Variants in KIF26B observed in about 807,000 individuals in gnomAD.
KIF26B encodes the protein kinesin-like protein KIF26B.
KIF26B carries 63 observed loss-of-function variants against 151.2 expected under a neutral mutation model. The ratio of observed to expected loss-of-function variants is 0.42; its 90% CI spans 0.34 to 0.51. KIF26B has a LOEUF of 0.51. Ranked by LOEUF, KIF26B falls within the 20% of genes least tolerant of loss-of-function variation. The pLI, the probability that KIF26B is intolerant of heterozygous loss-of-function variation, is 0.07. For missense variants in KIF26B, 2,813 were observed against 2,913.6 expected, an observed-to-expected ratio of 0.97 and a Z score of 0.79; for synonymous variants, 1,357 against 1,262.1, an observed-to-expected ratio of 1.08 and a Z score of -1.59.
At chr1:245,428,425 C>T (rs1233716144) in intron 4 of KIF26B, among the ~76,000 whole-genome samples, 3 of 152,188 alleles carry the variant, frequency 2.0e-5, no homozygotes, top group South Asian at 2.1e-4. Flanking sequence ...TGAACCTCCT[C>T]AGTTGCTTAT....
intron 2 of KIF26B, among the ~76,000 whole-genome samples, chr1:245,184,003 A>G (rs1573694256): frequency 7.1e-6 from 1 of 140,196 alleles, no homozygotes; most frequent in African/African-American, 2.7e-5. Context: ...ATTTTTTCCT[A>G]CATCTTGACC....
intron 2 of KIF26B, among the ~76,000 whole-genome samples, chr1:245,331,234 C>T (rs536726975): frequency 1.3e-5 from 2 of 152,114 alleles, no homozygotes; most frequent in African/African-American, 2.4e-5. Context: ...GGAGGGTGCA[C>T]GTGCGGACCA....
At chr1:245,656,334 A>G (rs2044074387) in intron 10 of KIF26B, among the ~76,000 whole-genome samples, 1 of 152,184 alleles carries the variant, frequency 6.6e-6, no homozygotes, top group Non-Finnish European at 1.5e-5. Flanking sequence ...GTGTCTTCCA[A>G]AGTTTGCCAC....
chr1:245,184,044 G>GTT, intron 2 of KIF26B, among the ~76,000 whole-genome samples: 1 of 3,458 alleles, frequency 2.9e-4, no homozygotes, highest in African/African-American at 1.0e-3. Context: ...ATGGGTGGGA[G>GTT]TTGTTGTTTT....
chr1:245,592,487 G>A (rs551338246), intron 5 of KIF26B, among the ~76,000 whole-genome samples: 1 of 152,320 alleles, frequency 6.6e-6, no homozygotes, highest in Admixed American at 6.5e-5. Context: ...CAGTTATGGG[G>A]CAACCAAATG....
chr1:245,607,816 T>C, intron 7 of KIF26B, 72 bp downstream of exon 7: 1 of 1,193,140 alleles, frequency 8.4e-7, no homozygotes, highest in Non-Finnish European at 1.2e-6. Flanking sequence ...TCTGTCTCCC[T>C]CCCAGAGTTC....
chr1:245,442,385 G>A (rs1247803655), intron 4 of KIF26B, among the ~76,000 whole-genome samples: 1 of 152,112 alleles, frequency 6.6e-6, no homozygotes, highest in African/African-American at 2.4e-5. Context: ...ACAATGATGG[G>A]GGTCCTAGGT....
chr1:245,551,727 G>T (rs1451249010), intron 5 of KIF26B, among the ~76,000 whole-genome samples: 2 of 152,166 alleles, frequency 1.3e-5, no homozygotes, highest in East Asian at 3.9e-4. Context: ...GTTGGCTCTT[G>T]TCTGGAGGCT....
At chr1:245,403,631 G>A (rs77440614) in intron 3 of KIF26B, among the ~76,000 whole-genome samples, 2 of 14,360 alleles carry the variant, frequency 1.4e-4, no homozygotes, top group African/African-American at 2.2e-3. Context: ...GTGTGTCCAC[G>A]TGTGTGTGTT....
At chr1:245,556,927 C>A (rs905328600) in intron 5 of KIF26B, among the ~76,000 whole-genome samples, 3 of 152,202 alleles carry the variant, frequency 2.0e-5, no homozygotes, top group Non-Finnish European at 2.9e-5. Context: ...TTCCCAGCAG[C>A]GTGGAACTCA....
chr1:245,466,827 G>A (rs1659802110), intron 4 of KIF26B, among the ~76,000 whole-genome samples: 1 of 152,210 alleles, frequency 6.6e-6, no homozygotes, highest in Non-Finnish European at 1.5e-5. Flanking sequence ...TTGGGAGGCT[G>A]CGGCACGAGA....
At chr1:245,284,830 G>A (rs192908894) in intron 2 of KIF26B, among the ~76,000 whole-genome samples, 81 of 152,186 alleles carry the variant, frequency 5.3e-4, no homozygotes, top group African/African-American at 1.8e-3. Context: ...CCTGAGGTTG[G>A]GAGTTCAAGA....
In KIF26B at chr1:245,277,013, C is replaced by T. The variant is rs540005698; in HGVS notation, c.466-89821C>T. On this transcript the variant is annotated intron_variant, in intron 2 of 14. Transcript: ENST00000407071. ...GGAGACACAAACACAGAGGAGAAGG[C>T]CATGCAAAGGTAGAGGCAGAGACTG... Among the ~76,000 whole-genome samples the T allele has an allele frequency of 2.0e-5, 3 of 152,138 alleles. No homozygotes were observed. The South Asian group carries it at 6.2e-4, about 32-fold the overall frequency.
chr1:245,411,077 C>T (rs1674269933), intron 3 of KIF26B, among the ~76,000 whole-genome samples: 1 of 152,188 alleles, frequency 6.6e-6, no homozygotes, highest in Admixed American at 6.5e-5. Flanking sequence ...AACAAGAACC[C>T]AGCAATAGTT....
chr1:245,621,829 T>A (rs1389915455), intron 9 of KIF26B, among the ~76,000 whole-genome samples: 1 of 152,256 alleles, frequency 6.6e-6, no homozygotes, highest in Non-Finnish European at 1.5e-5. Context: ...GCAACTCCAA[T>A]AGGCACGGAG....
At chr1:245,202,452 T>C (rs1669316176) in intron 2 of KIF26B, among the ~76,000 whole-genome samples, 1 of 152,134 alleles carries the variant, frequency 6.6e-6, no homozygotes, top group African/African-American at 2.4e-5. Flanking sequence ...AACCTCAGTT[T>C]CTCTGTTTGA....
At chr1:245,324,439 T>C (rs770259389) in intron 2 of KIF26B, among the ~76,000 whole-genome samples, 4 of 152,134 alleles carry the variant, frequency 2.6e-5, no homozygotes, top group Non-Finnish European at 4.4e-5. Flanking sequence ...ACAGTCAAAA[T>C]GTTTACTATG....
In KIF26B at chr1:245,155,051, G is replaced by T; in HGVS notation, c.-374G>T. ...CTCGGCTCGGCTCTCCCACCTTCCC[G>T]GCAGCGGCCGCGAGCCCTGATTGTA... On this transcript the variant is annotated 5_prime_UTR_variant, in exon 1 of 15. Coordinates refer to ENST00000407071, the MANE Select transcript of KIF26B (RefSeq NM_018012.4). The T allele has an allele frequency of 4.5e-6, 2 of 449,424 alleles. No individual in the cohort carries two copies. The highest frequency in any genetic ancestry group is 6.0e-5 in the South Asian group (1 of 16,668). The allele number at this position is 449,424 out of a possible 1,614,324, so 27.8% of individuals were successfully genotyped here.
chr1:245,190,558 C>G (rs1035758182), intron 2 of KIF26B, among the ~76,000 whole-genome samples: 7 of 151,710 alleles, frequency 4.6e-5, no homozygotes, highest in Non-Finnish European at 1.0e-4. Flanking sequence ...AACACCAATT[C>G]CTAATTCCTG....
Sources: allele counts gnomAD v4.1 joint callset (sites outside exome capture counted in the v4.1 genomes callset), GRCh38; gene constraint gnomAD v4.1.1; transcripts MANE v1.5; gene names NCBI Gene and HGNC (gene_info 2026-07-23, HGNC 2026-07-21).